The following TUBD1 variants were observed in gnomAD, a reference collection of about 807,000 sequenced individuals.
TUBD1 encodes tubulin delta chain.
A neutral mutation model predicts 51.2 loss-of-function variants in TUBD1; 38 were observed. That is an observed-to-expected ratio of 0.74 (90% CI 0.57 to 0.97). TUBD1 has a LOEUF of 0.97. TUBD1 is among the 50% of genes least tolerant of loss of function. The pLI is 0.00. For synonymous variants in TUBD1, 169 were observed against 178.2 expected, an observed-to-expected ratio of 0.95 and a Z score of 0.41; for missense variants, 489 against 538.4, an observed-to-expected ratio of 0.91 and a Z score of 0.91.
intron 2 of TUBD1, among the ~76,000 whole-genome samples, chr17:59,889,986 A>G (rs1199844841): frequency 6.6e-5 from 10 of 150,552 alleles, no homozygotes; most frequent in African/African-American, 1.5e-4. Context: ...AAAAAAAAAA[A>G]AGAGAGACAG....
intron 6 of TUBD1, among the ~76,000 whole-genome samples, chr17:59,868,645 T>C (rs1380729841): frequency 2.0e-5 from 3 of 152,080 alleles, no homozygotes; most frequent in African/African-American, 7.2e-5. Context: ...GAGACCATAC[T>C]GGCCAACATG....
At chr17:59,891,153 C>T (rs529973467) in intron 1 of TUBD1, 112 bp from the exon 2 acceptor site, 33 of 602,984 alleles carry the variant, frequency 5.5e-5, no homozygotes, top group African/African-American at 4.4e-4. Context: ...CCCCCTGAGA[C>T]GGAGTCTTGT....
chr17:59,863,598 C>G, intron 8 of TUBD1, 66 bp downstream of exon 8: 1 of 1,315,596 alleles, frequency 7.6e-7, no homozygotes. Flanking sequence ...GCCTGGGCAA[C>G]AGAGTGAGAC....
Position 59,886,121 on chromosome 17 carries a change from G to C in TUBD1, c.282C>G (p.Phe94Leu). 1 of 1,613,994 alleles carries C rather than the reference G, an allele frequency of 6.2e-7. No individual in the cohort carries two copies. Reference protein sequence around the residue: ...GQWKYGQHACFCQKQGSGNNW... With the variant: ...GQWKYGQHACLCQKQGSGNNW... ...TGTTTCCAGAACCTTGTTTTTGACA[G>C]AAGCATGCATGTTGACCATATTTCC... is the stretch of plus-strand genomic sequence containing the variant. Residue 94 changes from phenylalanine to leucine, a missense_variant, in exon 3 of 9, where the codon TTC becomes TTG. Transcript: ENST00000325752.
At chr17:59,881,137 C>T (rs894996990) in intron 3 of TUBD1, 27 bp from the exon 4 acceptor site, 2 of 1,541,414 alleles carry the variant, frequency 1.3e-6, no homozygotes, top group African/African-American at 2.7e-5. Context: ...GAAACAAACA[C>T]AAACACTTTT....
intron 6 of TUBD1, among the ~76,000 whole-genome samples, chr17:59,872,693 A>AATGT (rs1555634754): frequency 4.1e-5 from 4 of 97,934 alleles, no homozygotes; most frequent in African/African-American, 8.3e-5. Flanking sequence ...TGAAAATGGG[A>AATGT]ATGTGTGTGT....
chr17:59,877,225 T>C (rs1377817529), intron 5 of TUBD1, among the ~76,000 whole-genome samples: 1 of 152,214 alleles, frequency 6.6e-6, no homozygotes, highest in Non-Finnish European at 1.5e-5. Flanking sequence ...AATCAATCAG[T>C]CTTCCTCTTT....
chr17:59,878,139 C>A lies in TUBD1; in HGVS notation c.733G>T (p.Ala245Ser), dbSNP rs369557664. The stretch of plus-strand genomic sequence containing the variant: ...CGTCTGTAGTGAAATGAGCTTTCTG[C>A]AGAATAAGTAGGCTGGAACACACTT... Reference protein sequence around the residue: ...LGSVFQPTYSAESSFHYRRNP... With the variant: ...LGSVFQPTYSSESSFHYRRNP... The change falls in exon 5 of 9, where the codon GCA becomes TCA. Residue 245 changes from alanine (A) to serine (S), a missense_variant. Physicochemically the swap from Ala to Ser is moderately conservative, Grantham distance 99. Transcript: ENST00000325752. The A allele has an allele frequency of 1.4e-5, 22 of 1,613,972 alleles. No individual in the cohort carries two copies. Among genetic ancestry groups the A allele is most frequent in the Admixed American group, 6.7e-5 (4 of 59,968 alleles).
chr17:59,866,146 A>C (rs2039689844), intron 7 of TUBD1, among the ~76,000 whole-genome samples: 3 of 148,482 alleles, frequency 2.0e-5, no homozygotes, highest in East Asian at 4.0e-4. Flanking sequence ...GAAAGGAGGC[A>C]GGTCCTTCTC....
At chr17:59,870,919 T>C (rs953021564) in intron 6 of TUBD1, among the ~76,000 whole-genome samples, 2 of 152,120 alleles carry the variant, frequency 1.3e-5, no homozygotes, top group East Asian at 1.9e-4. Context: ...GTAAACCAAA[T>C]AGATTAAATA....
At chr17:59,861,090 C>T (rs1372709550) in intron 8 of TUBD1, among the ~76,000 whole-genome samples, 1 of 151,968 alleles carries the variant, frequency 6.6e-6, no homozygotes. Flanking sequence ...CTAGAAAACA[C>T]ATCAGTCCAG....
chr17:59,885,089 CG>C, intron 3 of TUBD1: 1 of 355,006 alleles, frequency 2.8e-6, no homozygotes. Flanking sequence ...TGCCGCTGGG[CG>C]CAAGGACAGC....
At chr17:59,881,617 T>C (rs573386693) in intron 3 of TUBD1, among the ~76,000 whole-genome samples, 19 of 152,314 alleles carry the variant, frequency 1.2e-4, no homozygotes, top group Non-Finnish European at 2.2e-4. Context: ...AAATGGGATA[T>C]CTATCACCTC....
rs957499921 is a variant in TUBD1, at chr17:59,860,341, G to A, written c.1343C>T (p.Ala448Val). The A allele has an allele frequency of 1.2e-6, 2 of 1,610,262 alleles. No individual in the cohort carries two copies. Among genetic ancestry groups the A allele is most frequent in the African/African-American group, 2.7e-5 (2 of 74,648 alleles). ...DSFTSLEQVV[A>V]SYCNL ...TCAAGATCAGAGATTACAGTAACTGGCAACAACCTGCTCTAATGACGTGAA... is the reference window on the plus strand; with the variant it reads ...TCAAGATCAGAGATTACAGTAACTGACAACAACCTGCTCTAATGACGTGAA... The change falls in exon 9 of 9, where the codon GCC becomes GTC. Residue 448 changes from alanine to valine, a missense_variant. By Grantham distance (64) the Ala-to-Val change is moderately conservative (BLOSUM62 0). Transcript: ENST00000325752.
chr17:59,863,518 A>G (rs569461631), intron 8 of TUBD1, 146 bp downstream of exon 8: 1 of 492,424 alleles, frequency 2.0e-6, no homozygotes, highest in East Asian at 3.8e-5. Flanking sequence ...CTGCAGCAGG[A>G]GAATCACTTA....
At chr17:59,891,435 C>G (rs1275507612) in intron 1 of TUBD1, among the ~76,000 whole-genome samples, 1 of 151,938 alleles carries the variant, frequency 6.6e-6, no homozygotes, top group African/African-American at 2.4e-5. Flanking sequence ...ACGCCCGGCC[C>G]AAAAAGTCAT....
chr17:59,866,110 CAAAAAAA>C (rs1191579900), intron 7 of TUBD1, among the ~76,000 whole-genome samples: 4 of 76,222 alleles, frequency 5.2e-5, no homozygotes, highest in Non-Finnish European at 8.8e-5. Context: ...GACCCCGTCT[CAAAAAAA>C]AAAAAAAAAA....
At chr17:59,874,498 T>C (rs1180665199) in intron 6 of TUBD1, 41 bp downstream of exon 6, 1 of 1,592,190 alleles carries the variant, frequency 6.3e-7, no homozygotes, top group East Asian at 2.2e-5. Flanking sequence ...ACAGACATTT[T>C]TTCCAGCTTG....
At chr17:59,868,108 CAAAAAA>C (rs35401242) in intron 6 of TUBD1, among the ~76,000 whole-genome samples, 277 of 26,802 alleles carry the variant, frequency 0.01, 4 homozygotes, top group South Asian at 0.027. Flanking sequence ...ACTAAAAATA[CAAAAAA>C]AAAAAAAAAA....
Sources: gnomAD v4.1 joint callset for allele counts (sites outside exome capture counted in the v4.1 genomes callset) on GRCh38, gnomAD v4.1.1 for gene constraint, MANE v1.5 for transcripts, NCBI Gene and HGNC (gene_info 2026-07-23, HGNC 2026-07-21) for gene names.